HMCN1: variants seen among roughly 807,000 people sequenced by gnomAD.
HMCN1 encodes the protein hemicentin 1.
Under a neutral mutation model 625.9 loss-of-function variants are expected in HMCN1, and 321 were observed. The ratio of observed to expected loss-of-function variants is 0.51; its 90% CI spans 0.47 to 0.56. The LOEUF (loss-of-function observed/expected upper bound fraction) is 0.56. Ranked by LOEUF, HMCN1 falls within the 20% of genes least tolerant of loss-of-function variation. The pLI, the probability that HMCN1 is intolerant of heterozygous loss-of-function variation, is 0.00. For missense variants in HMCN1, 6,588 were observed against 6,887.3 expected (o/e 0.96, Z 1.54); for synonymous variants, 2,425 against 2,417.6 (o/e 1.00, Z -0.09).
intron 1 of HMCN1, among the ~76,000 whole-genome samples, chr1:185,812,390 C>T (rs1383511936): frequency 1.3e-5 from 2 of 152,088 alleles, no homozygotes; most frequent in African/African-American, 2.4e-5. Flanking sequence ...ATGATTTTGA[C>T]TTATTGGACC....
chr1:185,982,401 T>C lies in HMCN1; in HGVS notation c.2790+12T>C. On this transcript the variant is annotated intron_variant, in intron 18 of 106. Coordinates refer to ENST00000271588, the MANE Select transcript of HMCN1 (RefSeq NM_031935.3). ...AGAATTCAGCTATGGTAAGAACATT[T>C]TAAATGCATGCATTCACATTCTTTT... The C allele has an allele frequency of 6.2e-7, 1 of 1,610,790 alleles. No individual in the cohort carries two copies. Among genetic ancestry groups the C allele is most frequent in the Non-Finnish European group, 8.5e-7 (1 of 1,177,148 alleles).
chr1:185,797,281 G>A (rs576087050), intron 1 of HMCN1, among the ~76,000 whole-genome samples: 15 of 151,962 alleles, frequency 9.9e-5, no homozygotes, highest in African/African-American at 2.9e-4. Context: ...ATGTTCTTCC[G>A]TTCTAAAAGT....
At chr1:185,847,084 C>T (rs1055121645) in intron 2 of HMCN1, among the ~76,000 whole-genome samples, 1 of 152,154 alleles carries the variant, frequency 6.6e-6, no homozygotes, top group African/African-American at 2.4e-5. Context: ...ACACTGTCTC[C>T]CAGGCCATCA....
intron 1 of HMCN1, among the ~76,000 whole-genome samples, chr1:185,820,767 T>G (rs1660135372): frequency 6.6e-6 from 1 of 152,228 alleles, no homozygotes; most frequent in East Asian, 1.9e-4. Context: ...ACAATGTCAA[T>G]AGAATATGTA....
chr1:186,063,034 A>ATG (rs376321567), intron 48 of HMCN1, among the ~76,000 whole-genome samples: 3,958 of 95,004 alleles, frequency 0.042, 264 homozygotes, highest in African/African-American at 0.12. Flanking sequence ...ATTCCATGGA[A>ATG]TGTGTGTGTG....
intron 39 of HMCN1, 149 bp downstream of exon 39, chr1:186,040,028 A>G: frequency 1.3e-6 from 1 of 782,684 alleles, no homozygotes; most frequent in Non-Finnish European, 2.2e-6. Flanking sequence ...AACACCATGG[A>G]CACATAACTG....
chr1:185,885,327 A>G (rs1442622976), intron 4 of HMCN1, among the ~76,000 whole-genome samples: 2 of 152,008 alleles, frequency 1.3e-5, no homozygotes, highest in Admixed American at 6.6e-5. Flanking sequence ...AAAGGCATAC[A>G]GACATAAAGA....
At chr1:186,104,394 G>A (rs1216814327) in intron 69 of HMCN1, among the ~76,000 whole-genome samples, 2 of 152,142 alleles carry the variant, frequency 1.3e-5, no homozygotes, top group East Asian at 3.8e-4. Context: ...AAAGACTTAG[G>A]ATTGTTCCTG....
At chr1:186,186,992 TCTCACACACACACACACACACACACA>T (rs1172314151) in intron 105 of HMCN1, among the ~76,000 whole-genome samples, 5 of 95,432 alleles carry the variant, frequency 5.2e-5, no homozygotes, top group Admixed American at 4.5e-4. Context: ...TCTGTCTCTG[TCTCACACACACACACACACACACACA>T]CACACACACA....
chr1:185,965,974 A>G, intron 14 of HMCN1, 59 bp downstream of exon 14: 4 of 1,081,824 alleles, frequency 3.7e-6, no homozygotes, highest in Non-Finnish European at 5.8e-6. Flanking sequence ...TTTTTAAAAA[A>G]AATGATTTGT....
intron 30 of HMCN1, among the ~76,000 whole-genome samples, chr1:186,009,712 G>A (rs989808217): frequency 6.6e-6 from 1 of 152,080 alleles, no homozygotes. Context: ...AAAAGAGATG[G>A]AGGATAAAAA....
At chr1:185,777,275 A>C (rs1436132271) in intron 1 of HMCN1, among the ~76,000 whole-genome samples, 1 of 152,198 alleles carries the variant, frequency 6.6e-6, no homozygotes, top group Admixed American at 6.5e-5. Context: ...TCAATGCAGA[A>C]CATTTTATCT....
chr1:186,060,695 T>G (rs924817355), intron 46 of HMCN1, among the ~76,000 whole-genome samples: 10 of 152,156 alleles, frequency 6.6e-5, no homozygotes, highest in African/African-American at 2.4e-4. Context: ...CCATGAAGCT[T>G]AATTGAAAGC....
chr1:186,049,525 G>C (rs1043406637), intron 42 of HMCN1, among the ~76,000 whole-genome samples: 7 of 151,508 alleles, frequency 4.6e-5, no homozygotes, highest in Admixed American at 1.3e-4. Flanking sequence ...TACTAATTAA[G>C]ATAATTCTTA....
chr1:186,072,425 TCTA>T (rs1658532067), intron 52 of HMCN1, among the ~76,000 whole-genome samples: 1 of 152,200 alleles, frequency 6.6e-6, no homozygotes, highest in South Asian at 2.1e-4. Context: ...TTGTTGAACA[TCTA>T]CTATTTGTCA....
intron 9 of HMCN1, among the ~76,000 whole-genome samples, chr1:185,925,633 A>G (rs2102481824): frequency 6.6e-6 from 1 of 152,294 alleles, no homozygotes. Context: ...GAATCTGGTA[A>G]GTGTAGAGCG....
intron 69 of HMCN1, among the ~76,000 whole-genome samples, chr1:186,106,453 T>C (rs1390353005): frequency 6.6e-6 from 1 of 152,232 alleles, no homozygotes. Flanking sequence ...TGTGTTTGAT[T>C]TTAATAACCA....
intron 1 of HMCN1, among the ~76,000 whole-genome samples, chr1:185,774,295 G>A (rs1397545525): frequency 1.3e-5 from 2 of 152,150 alleles, no homozygotes; most frequent in Non-Finnish European, 2.9e-5. Flanking sequence ...GAATAGATGT[G>A]AAGGGCTGCA....
chr1:185,845,967 G>C, intron 1 of HMCN1, 59 bp from the exon 2 acceptor site: 1 of 1,083,884 alleles, frequency 9.2e-7, no homozygotes, highest in Non-Finnish European at 1.4e-6. Context: ...ATAAACACAA[G>C]AAAGTCTTTA....
Sources: allele counts gnomAD v4.1 joint callset (sites outside exome capture counted in the v4.1 genomes callset), GRCh38; gene constraint gnomAD v4.1.1; transcripts MANE v1.5; gene names NCBI Gene and HGNC (gene_info 2026-07-23, HGNC 2026-07-21).